The following SYNPO variants were observed in gnomAD, a reference collection of about 807,000 sequenced individuals.
SYNPO encodes the protein synaptopodin.
A neutral mutation model predicts 49.5 loss-of-function variants in SYNPO; 19 were observed. That is an observed-to-expected ratio of 0.38 (90% confidence interval 0.27 to 0.56). SYNPO has a LOEUF of 0.56. Among genes scored for constraint, SYNPO ranks in the 20% least tolerant of loss-of-function variants. The probability of loss-of-function intolerance (pLI) is 0.68; values close to 1 mark genes in which losing one functional copy is unlikely to be tolerated. For synonymous variants in SYNPO, 536 were observed against 548.0 expected (o/e 0.98, Z 0.31); for missense variants, 1,131 against 1,248.3 (o/e 0.91, Z 1.42).
chr5:150,635,756 C>T (rs773818346), upstream of SYNPO, among the ~76,000 whole-genome samples: 2 of 152,216 alleles, frequency 1.3e-5, no homozygotes, highest in Non-Finnish European at 2.9e-5. Flanking sequence ...AGCCACCGCA[C>T]CCAGCCCACA....
At chr5:150,600,297 C>T (rs1185802969), upstream of SYNPO, among the ~76,000 whole-genome samples, 1 of 152,226 alleles carries the variant, frequency 6.6e-6, no homozygotes, top group East Asian at 1.9e-4. Context: ...GATGGGTGCC[C>T]AGAGTTGGAG....
intron 1 of SYNPO, among the ~76,000 whole-genome samples, chr5:150,617,115 A>AT (rs769671991): frequency 2.0e-5 from 3 of 152,088 alleles, no homozygotes; most frequent in Admixed American, 6.6e-5. Flanking sequence ...CTCTGCGTGC[A>AT]TTTTTTCATG....
At chr5:150,597,874 G>A (rs1012516211), upstream of SYNPO, among the ~76,000 whole-genome samples, 1 of 152,148 alleles carries the variant, frequency 6.6e-6, no homozygotes, top group African/African-American at 2.4e-5. Flanking sequence ...CTGACCTCAA[G>A]TGATCGGCCC....
chr5:150,587,424 G>A, the SYNPO span, among the ~76,000 whole-genome samples: 1 of 152,112 alleles, frequency 6.6e-6, no homozygotes, highest in African/African-American at 2.4e-5. Flanking sequence ...ATGGGTGAGT[G>A]GCAGGATGAA....
Position 150,628,036 on chromosome 5 carries a change from C to CTGTGTGTGTG in SYNPO, c.400+9290_400+9299dup, listed in dbSNP as rs3062926. ...TGTGTGTTTCTGTGTGTGTGTGTTT[C>CTGTGTGTGTG]TGTGTGTGTGTGTGTGTGTGTGTGT... On this transcript the variant is annotated intron_variant, in intron 2 of 2. Coordinates refer to the SYNPO transcript ENST00000394243. Among the ~76,000 whole-genome samples, 1,405 of 142,016 alleles carry CTGTGTGTGTG rather than the reference C, an allele frequency of 9.9e-3. 19 individuals carry two copies. Among genetic ancestry groups the CTGTGTGTGTG allele is most frequent in the African/African-American group, 0.033 (1,204 of 36,756 alleles). The allele number at this position is 142,016 out of a possible 152,430, so 93.2% of individuals were successfully genotyped here. A position where few individuals can be genotyped will look rare whatever the true frequency, so the allele number is the denominator to read the frequency against.
the SYNPO span, among the ~76,000 whole-genome samples, chr5:150,586,238 G>T: frequency 1.3e-5 from 2 of 152,228 alleles, no homozygotes; most frequent in South Asian, 4.1e-4. Context: ...TGAGGCAGCT[G>T]AGGCCACTGC....
rs147304589 is a variant in SYNPO, at chr5:150,605,757, CAT to C, written c.-266+4571_-266+4572del. On this transcript the variant is annotated intron_variant, in intron 1 of 2. Coordinates refer to the SYNPO transcript ENST00000394243. ...CAACCACCCCCACCACACACACACA[CAT>C]ACACACACACACACACACACACACA... 2.4e-3 allele frequency among the ~76,000 whole-genome samples: 272 copies of C among 111,738 alleles called. 1 individual carries two copies. The highest frequency in any genetic ancestry group is 9.3e-3 in the African/African-American group (239 of 25,778). The allele number at this position is 111,738 out of a possible 152,430, so 73.3% of individuals were successfully genotyped here.
In SYNPO at chr5:150,649,944, C is replaced by G; in HGVS notation, c.1669C>G (p.Pro557Ala). ...CCTGCCTGAGAACGGGGTCCTGCGC[C>G]CAGAGCCCACCAAGCAGCCGCCATA... The part of the protein sequence containing the change: ...GYLPENGVLR[P>A]EPTKQPPYQL... Residue 557 changes from proline (P) to alanine (A), a missense_variant, in exon 2 of 3, where the codon CCA becomes GCA. Around this residue, in one of 4 missense-constraint regions of SYNPO, gnomAD observed 602 missense variants for 720.7 expected, o/e 0.84. Transcript: ENST00000307662. 6.2e-7 allele frequency: 1 copy of G among 1,612,598 alleles called. No homozygotes were observed. Among genetic ancestry groups the G allele is most frequent in the Non-Finnish European group, 8.5e-7 (1 of 1,179,982 alleles).
chr5:150,597,692 G>A (rs1756448857), upstream of SYNPO, among the ~76,000 whole-genome samples: 1 of 152,096 alleles, frequency 6.6e-6, no homozygotes, highest in African/African-American at 2.4e-5. Flanking sequence ...AGGCTGGAGT[G>A]CAGTGGCATG....
chr5:150,648,034 C>T lies in SYNPO; in HGVS notation c.-242C>T, dbSNP rs377011604. 6.4e-7 allele frequency: 1 copy of T among 1,551,874 alleles called. No homozygotes were observed. ...ATTGCAGCCCAGCTGACCACCCCTCCCAGCTCCAATTCCCGTGGCGTCCAG... is the reference window on the plus strand; with the variant it reads ...ATTGCAGCCCAGCTGACCACCCCTCTCAGCTCCAATTCCCGTGGCGTCCAG... On this transcript the variant is annotated 5_prime_UTR_variant, in exon 2 of 3. Transcript: ENST00000307662. This position sits in a 1 kb window ranked among gnomAD's most constrained non-coding sequence, Gnocchi z 5.0.
Position 150,627,918 on chromosome 5 carries a change from T to G in SYNPO, c.400+9151T>G, listed in dbSNP as rs191255133. Among the ~76,000 whole-genome samples, 1,146 of 152,178 alleles carry G rather than the reference T, an allele frequency of 7.5e-3. 17 individuals carry two copies. The highest frequency in any genetic ancestry group is 0.027 in the African/African-American group (1,111 of 41,506). ...GGTTGCATCCCCAGGGGCTTCAGAC[T>G]GCAGATCCAAAGGAGCTCCACCTGA... is the stretch of plus-strand genomic sequence containing the variant. On this transcript the variant is annotated intron_variant, in intron 2 of 2. Transcript: ENST00000394243.
chr5:150,618,410 G>A (rs942336190), exon 2 of SYNPO: 104 of 1,551,406 alleles, frequency 6.7e-5, no homozygotes, highest in Non-Finnish European at 7.4e-5. Flanking sequence ...TGCACCCAGC[G>A]AAGGGAGGCC....
the SYNPO span, among the ~76,000 whole-genome samples, chr5:150,588,344 C>T: frequency 6.6e-6 from 1 of 152,180 alleles, no homozygotes; most frequent in African/African-American, 2.4e-5. Context: ...TCTGGTACCA[C>T]ATAACCTTCC....
Position 150,656,814 on chromosome 5 carries a change from T to G in SYNPO, c.2439T>G (p.Ala813=), listed in dbSNP as rs1424406503. Residue 813 remains alanine (A), a synonymous_variant, in exon 3 of 3, where the codon GCT becomes GCG. Coordinates refer to ENST00000307662, the MANE Select transcript of SYNPO (RefSeq NM_007286.6). ...RSPQPARPGS[A]AVPGAAFAPI... ...CACAGCCCGCCCGCCCCGGCTCGGC[T>G]GCTGTGCCGGGGGCAGCCTTCGCGC... 1.4e-5 allele frequency: 20 copies of G among 1,417,146 alleles called. No homozygotes were observed. The highest frequency in any genetic ancestry group is 2.6e-4 in the Middle Eastern group (1 of 3,892). 87.8% of individuals were successfully genotyped at this position (1,417,146 alleles called of 1,614,324 possible).
chr5:150,651,085 C>T, intron 2 of SYNPO: 1 of 1,134,804 alleles, frequency 8.8e-7, no homozygotes, highest in Non-Finnish European at 1.1e-6. Context: ...TGTCACCGCT[C>T]TAGGGGTGGG....
chr5:150,631,318 A>T (rs951489231), intron 2 of SYNPO, among the ~76,000 whole-genome samples: 1 of 152,200 alleles, frequency 6.6e-6, no homozygotes, highest in Non-Finnish European at 1.5e-5. Flanking sequence ...TGGCAGGAGA[A>T]TGTGACCTCT....
chr5:150,586,749 C>G, the SYNPO span, among the ~76,000 whole-genome samples: 1 of 152,152 alleles, frequency 6.6e-6, no homozygotes, highest in Non-Finnish European at 1.5e-5. Flanking sequence ...TCCTCAGGCC[C>G]TGGAATATAG....
In SYNPO at chr5:150,657,150, G is replaced by A. The variant is rs1358558462; in HGVS notation, c.*63G>A. 8 of 1,501,134 alleles carry A rather than the reference G, an allele frequency of 5.3e-6. No individual in the cohort carries two copies. The East Asian group carries it at 7.4e-5, about 14-fold the overall frequency. The allele number at this position is 1,501,134 out of a possible 1,614,324, so 93.0% of individuals were successfully genotyped here. A position where few individuals can be genotyped will look rare whatever the true frequency, so the allele number is the denominator to read the frequency against. On this transcript the variant is annotated 3_prime_UTR_variant, in exon 3 of 3. Transcript: ENST00000307662. Reference sequence around the variant, plus strand: ...AGAAGAAGGCTCATTAGACCTGGGGGACCCAAAGGGTCTGGCCTCTTTGGG... The same window carrying A: ...AGAAGAAGGCTCATTAGACCTGGGGAACCCAAAGGGTCTGGCCTCTTTGGG...
At chr5:150,650,865 G>C (rs1370775447) in intron 2 of SYNPO, 1 of 1,261,766 alleles carries the variant, frequency 7.9e-7, no homozygotes, top group African/African-American at 1.6e-5. Flanking sequence ...TGTCTCTTCT[G>C]CCTCTGCCTT....
Sources: allele counts gnomAD v4.1 joint callset (sites outside exome capture counted in the v4.1 genomes callset), GRCh38; gene constraint gnomAD v4.1.1; regional missense constraint gnomAD v4.1.1; non-coding constraint Gnocchi (gnomAD v3.1); transcripts MANE v1.5; gene names NCBI Gene and HGNC (gene_info 2026-07-23, HGNC 2026-07-21).